Variants in HSPG2 observed in about 807,000 individuals in gnomAD.
HSPG2 encodes the protein heparan sulfate proteoglycan 2, also known as basement membrane-specific heparan sulfate proteoglycan core protein.
HSPG2 carries 278 observed loss-of-function variants against 526.6 expected under a neutral mutation model. The ratio of observed to expected loss-of-function variants is 0.53; its 90% CI spans 0.48 to 0.58. The LOEUF is 0.58. Among genes scored for constraint, HSPG2 ranks in the 20% least tolerant of loss-of-function variants. The probability of loss-of-function intolerance (pLI) is 0.00; values close to 1 mark genes in which losing one functional copy is unlikely to be tolerated. For synonymous variants in HSPG2, 2,465 were observed against 2,555.4 expected (o/e 0.96, Z 1.07); for missense variants, 5,354 against 6,099.5 (o/e 0.88, Z 4.07).
At position 21,833,058 on chromosome 1, in the gene HSPG2, A is replaced by C. The variant is rs891032244; in HGVS notation, c.11095+210T>G. 11 of 632,046 alleles carry C rather than the reference A, an allele frequency of 1.7e-5. No individual in the cohort carries two copies. In the African/African-American group the frequency reaches 2.0e-4, roughly 11 times the overall value. The allele number at this position is 632,046 out of a possible 1,614,324, so 39.2% of individuals were successfully genotyped here. A position where few individuals can be genotyped will look rare whatever the true frequency, so the allele number is the denominator to read the frequency against. On this transcript the variant is annotated intron_variant, in intron 80 of 96. Coordinates refer to ENST00000374695, the MANE Select transcript of HSPG2 (RefSeq NM_005529.7). ...CAGAGGAGCCACGAGGAGGCTGGAG[A>C]TATCACAGAGGCAGGGATGGAGAAG... is the stretch of plus-strand genomic sequence containing the variant.
In HSPG2 at chr1:21,855,777, AC is replaced by A. The variant is rs1313392348; in HGVS notation, c.5701+9del. 1 of 1,612,554 alleles carries A rather than the reference AC, an allele frequency of 6.2e-7. No individual in the cohort carries two copies. Among genetic ancestry groups the A allele is most frequent in the Admixed American group, 1.7e-5 (1 of 59,922 alleles). On this transcript the variant is annotated intron_variant, in intron 45 of 96. Coordinates refer to ENST00000374695, the MANE Select transcript of HSPG2 (RefSeq NM_005529.7). ...TCAGGCCTTGAATGTCATTCCCATC[AC>A]GGCCTCACCTGTCCACTCGAGGGTG...
chr1:21,894,826 C>T (rs1191372130), intron 3 of HSPG2, among the ~76,000 whole-genome samples: 1 of 152,178 alleles, frequency 6.6e-6, no homozygotes, highest in Non-Finnish European at 1.5e-5. Flanking sequence ...GCCTGGGGCC[C>T]ACCTGACACT....
intron 1 of HSPG2, among the ~76,000 whole-genome samples, chr1:21,914,539 G>A (rs1643832007): frequency 6.6e-6 from 1 of 152,138 alleles, no homozygotes; most frequent in African/African-American, 2.4e-5. Context: ...AGGTGTCCAG[G>A]GACGACTGGC....
rs1380072064 is a variant in HSPG2, at chr1:21,841,765, C to T, written c.9194-92G>A. Reference sequence around the variant, plus strand: ...AGCCTGTGCCCCTGGGCCCACTTCCCCAATCCCTCCGGCCTGGGTGTGTCT... The same window carrying T: ...AGCCTGTGCCCCTGGGCCCACTTCCTCAATCCCTCCGGCCTGGGTGTGTCT... On this transcript the variant is annotated intron_variant, in intron 69 of 96. Transcript: ENST00000374695. The T allele has an allele frequency of 2.6e-6, 4 of 1,519,892 alleles. No homozygotes were observed. In the Admixed American group the frequency reaches 7.0e-5, roughly 26 times the overall value. The allele number at this position is 1,519,892 out of a possible 1,614,324, so 94.2% of individuals were successfully genotyped here. A position where few individuals can be genotyped will look rare whatever the true frequency, so the allele number is the denominator to read the frequency against.
chr1:21,832,371 A>G (rs1572159149), intron 81 of HSPG2, 124 bp downstream of exon 81: 2 of 801,164 alleles, frequency 2.5e-6, no homozygotes, highest in East Asian at 5.1e-5. Flanking sequence ...GTGGTCACCA[A>G]GGGTAACGGC....
intron 37 of HSPG2, among the ~76,000 whole-genome samples, chr1:21,862,362 T>C (rs1639857178): frequency 6.6e-6 from 1 of 151,944 alleles, no homozygotes; most frequent in Admixed American, 6.6e-5. Flanking sequence ...GGCGGGTGGA[T>C]CACCTGAGGT....
At chr1:21,873,619 G>A (rs1283711059) in intron 29 of HSPG2, among the ~76,000 whole-genome samples, 195 bp from the exon 30 acceptor site, 2 of 152,178 alleles carry the variant, frequency 1.3e-5, no homozygotes, top group African/African-American at 4.8e-5. Flanking sequence ...GTGAATTGGG[G>A]CAGGTAGGAA....
Position 21,887,790 on chromosome 1 carries a change from CT to C in HSPG2, c.704-117del. The C allele has an allele frequency of 1.3e-6, 2 of 1,557,812 alleles. No homozygotes were observed. Among genetic ancestry groups the C allele is most frequent in the Non-Finnish European group, 1.8e-6 (2 of 1,131,654 alleles). On this transcript the variant is annotated intron_variant, in intron 7 of 96. Transcript: ENST00000374695. The surrounding 1 kb of genome is among the most constrained non-coding windows in gnomAD (Gnocchi z 5.0). The stretch of plus-strand genomic sequence containing the variant: ...CCCCAACACCACTCCCTGCCACCCC[CT>C]GCCTGGCTCTGTCATCACCCTTCCT...
intron 1 of HSPG2, among the ~76,000 whole-genome samples, chr1:21,926,736 T>A (rs1569663853): frequency 8.3e-6 from 1 of 119,780 alleles, no homozygotes; most frequent in African/African-American, 3.3e-5. Context: ...CACTTCAGGC[T>A]GGGAGACAGA....
Position 21,822,581 on chromosome 1 carries a change from G to A in HSPG2, c.*735C>T, listed in dbSNP as rs2097954707. 1 of 318,362 alleles carries A rather than the reference G, an allele frequency of 3.1e-6. No homozygotes were observed. Among genetic ancestry groups the A allele is most frequent in the Non-Finnish European group, 6.1e-6 (1 of 163,566 alleles). The allele number at this position is 318,362 out of a possible 1,614,324, so 19.7% of individuals were successfully genotyped here. On this transcript the variant is annotated 3_prime_UTR_variant, in exon 97 of 97. Coordinates refer to ENST00000374695, the MANE Select transcript of HSPG2 (RefSeq NM_005529.7). ...TGGGGTGGGCGGGGCCCGGTGGGCGGGGCCCTATCAGTGCTGGGCTCTGCC... is the reference window on the plus strand; with the variant it reads ...TGGGGTGGGCGGGGCCCGGTGGGCGAGGCCCTATCAGTGCTGGGCTCTGCC...
chr1:21,897,820 T>C (rs1013347746), intron 1 of HSPG2, among the ~76,000 whole-genome samples: 2 of 152,120 alleles, frequency 1.3e-5, no homozygotes, highest in Non-Finnish European at 2.9e-5. Context: ...GGCATACATA[T>C]CTCATTACTG....
chr1:21,830,749 G>T, intron 85 of HSPG2: 1 of 563,424 alleles, frequency 1.8e-6, no homozygotes. Flanking sequence ...GGGTGGCGGG[G>T]TAGTGGTAAG....
intron 85 of HSPG2, 146 bp downstream of exon 85, chr1:21,830,836 G>A: frequency 1.6e-6 from 1 of 644,076 alleles, no homozygotes; most frequent in South Asian, 1.8e-5. Context: ...GATGGGGGAT[G>A]GGTACATGGG....
At chr1:21,866,854 T>TAC (rs1445695516) in intron 33 of HSPG2, among the ~76,000 whole-genome samples, 1 of 152,198 alleles carries the variant, frequency 6.6e-6, no homozygotes, top group African/African-American at 2.4e-5. Context: ...ACCTGCTGAT[T>TAC]ACACACACGG....
intron 50 of HSPG2, among the ~76,000 whole-genome samples, chr1:21,853,376 TGA>T (rs980826894): frequency 8.5e-5 from 13 of 152,202 alleles, no homozygotes; most frequent in African/African-American, 3.1e-4. Flanking sequence ...CGGATGACAG[TGA>T]GACACCTCCC....
chr1:21,914,505 G>A (rs983809684), intron 1 of HSPG2, among the ~76,000 whole-genome samples: 2 of 152,140 alleles, frequency 1.3e-5, no homozygotes, highest in South Asian at 4.1e-4. Context: ...ATCTGGCAGG[G>A]CCAGGATCTG....
At chr1:21,880,035 A>C in intron 17 of HSPG2, 72 bp downstream of exon 17, 4 of 1,561,456 alleles carry the variant, frequency 2.6e-6, no homozygotes, top group East Asian at 2.2e-5. Flanking sequence ...TGCTGAGCTC[A>C]TGAACACAGG....
Position 21,831,225 on chromosome 1 carries a change from C to G in HSPG2, c.11552G>C (p.Arg3851Pro). The G allele has an allele frequency of 3.7e-6, 6 of 1,613,790 alleles. No individual in the cohort carries two copies. The highest frequency in any genetic ancestry group is 5.1e-6 in the Non-Finnish European group (6 of 1,179,798). ...GGGGTGTGGGGTCACCTGGCAGGGC[C>G]GGTCCCGACAGGTGGGGCAGTGGGA... ...GISHCPTCRD[R>P]PCQNGGQCHD... The change falls in exon 84 of 97, where the codon CGG (arginine) becomes CCG (proline). Residue 3851 changes from arginine (R) to proline (P), a missense_variant. Arg to Pro is a moderately radical substitution (Grantham distance 103). Coordinates refer to ENST00000374695, the MANE Select transcript of HSPG2 (RefSeq NM_005529.7).
chr1:21,841,665 G>A lies in HSPG2; in HGVS notation c.9202C>T (p.His3068Tyr), dbSNP rs748447304. ...ATGATGGAGCCATTGGGACTGATGT[G>A]GACGTTGTCTGTGAGGTTGCATGGG... is the stretch of plus-strand genomic sequence containing the variant. ...TRNQELEDNV[H>Y]ISPNGSIITI... The change falls in exon 70 of 97, where the codon CAC (histidine) becomes TAC (tyrosine). Residue 3068 changes from histidine (H) to tyrosine (Y), a missense_variant. Physicochemically the swap from His to Tyr is moderately conservative, Grantham distance 83. Coordinates refer to ENST00000374695, the MANE Select transcript of HSPG2 (RefSeq NM_005529.7). 1 of 1,614,168 alleles carries A rather than the reference G, an allele frequency of 6.2e-7. No individual in the cohort carries two copies. Among genetic ancestry groups the A allele is most frequent in the East Asian group, 2.2e-5 (1 of 44,884 alleles).
Sources: gnomAD v4.1 joint callset for allele counts (sites outside exome capture counted in the v4.1 genomes callset) on GRCh38, gnomAD v4.1.1 for gene constraint, Gnocchi (gnomAD v3.1) non-coding constraint, MANE v1.5 for transcripts, NCBI Gene and HGNC (gene_info 2026-07-23, HGNC 2026-07-21) for gene names.